Variants in ABI2 observed in about 807,000 individuals in gnomAD.
ABI2 encodes the protein abelson interactor 2.
A neutral mutation model predicts 59.2 loss-of-function variants in ABI2; 25 were observed. That is an observed-to-expected ratio of 0.42 (90% confidence interval 0.31 to 0.59). The LOEUF (loss-of-function observed/expected upper bound fraction) is 0.59. Ranked by LOEUF, ABI2 falls within the 20% of genes least tolerant of loss-of-function variation. The pLI is 0.14. For missense variants in ABI2, 545 were observed against 681.8 expected (o/e 0.80, Z 2.23); for synonymous variants, 213 against 235.5 (o/e 0.90, Z 0.87).
intron 8 of ABI2, among the ~76,000 whole-genome samples, chr2:203,398,690 T>C (rs1187416859): frequency 6.6e-6 from 1 of 152,206 alleles, no homozygotes; most frequent in Non-Finnish European, 1.5e-5. Flanking sequence ...ATTTCCTCCA[T>C]GCCCCCTTTA....
At chr2:203,347,419 C>T (rs191614669) in intron 1 of ABI2, among the ~76,000 whole-genome samples, 2 of 152,296 alleles carry the variant, frequency 1.3e-5, no homozygotes, top group East Asian at 3.9e-4. Context: ...GAAGATACTT[C>T]TAGCCTTGTA....
intron 2 of ABI2, among the ~76,000 whole-genome samples, chr2:203,379,091 G>A (rs367571359): frequency 6.6e-6 from 1 of 152,030 alleles, no homozygotes; most frequent in Non-Finnish European, 1.5e-5. Flanking sequence ...CCCTCTGTTA[G>A]CAAATAGAAG....
chr2:203,409,090 G>A (rs927995838), intron 9 of ABI2, among the ~76,000 whole-genome samples: 13 of 150,748 alleles, frequency 8.6e-5, no homozygotes, highest in Admixed American at 2.0e-4. Context: ...CACCCGCCTC[G>A]GCCTCCCAAA....
intron 1 of ABI2, among the ~76,000 whole-genome samples, chr2:203,362,922 C>A (rs2093725136): frequency 6.6e-6 from 1 of 152,130 alleles, no homozygotes; most frequent in Admixed American, 6.5e-5. Flanking sequence ...GCCTCACCTC[C>A]TGAGTTCAAG....
At chr2:203,370,047 C>G (rs2094966932) in intron 2 of ABI2, among the ~76,000 whole-genome samples, 1 of 151,948 alleles carries the variant, frequency 6.6e-6, no homozygotes, top group African/African-American at 2.4e-5. Flanking sequence ...GCTTACAAAA[C>G]AAATAGTAAA....
At chr2:203,356,725 T>A (rs1186372424) in intron 1 of ABI2, among the ~76,000 whole-genome samples, 1 of 152,170 alleles carries the variant, frequency 6.6e-6, no homozygotes, top group East Asian at 1.9e-4. Flanking sequence ...AGTCTCGAAC[T>A]CCTGGGCTCA....
intron 2 of ABI2, among the ~76,000 whole-genome samples, chr2:203,373,123 G>A (rs2095411112): frequency 6.6e-6 from 1 of 152,158 alleles, no homozygotes; most frequent in South Asian, 2.1e-4. Flanking sequence ...GCTGGGAGGT[G>A]GAGGTTGTAG....
At chr2:203,415,590 C>G (rs1294567055) in intron 10 of ABI2, among the ~76,000 whole-genome samples, 1 of 132,478 alleles carries the variant, frequency 7.5e-6, no homozygotes, top group Non-Finnish European at 1.5e-5. Flanking sequence ...GCACTCCAGC[C>G]TGGGCGATAG....
chr2:203,353,492 T>C (rs185318766), intron 1 of ABI2, among the ~76,000 whole-genome samples: 3 of 152,194 alleles, frequency 2.0e-5, no homozygotes, highest in Non-Finnish European at 4.4e-5. Context: ...TATTTATTTA[T>C]TTTTTGAGAC....
At chr2:203,385,688 C>G (rs1169120894) in intron 4 of ABI2, among the ~76,000 whole-genome samples, 6 of 152,156 alleles carry the variant, frequency 3.9e-5, no homozygotes, top group Non-Finnish European at 8.8e-5. Flanking sequence ...CGACACAGCA[C>G]CTGGAGGAAA....
rs1251140558 is a variant in ABI2, at chr2:203,429,207, G to C, written c.*1855G>C. On this transcript the variant is annotated 3_prime_UTR_variant, in exon 12 of 12. Transcript: ENST00000261018. ...TTGCCTCCAGTATACATTCCACTTC[G>C]TGCTTTTCTTAGGTCATTTCTACAT... 2 of 152,012 alleles carry C rather than the reference G, an allele frequency of 1.3e-5. No individual in the cohort carries two copies. Among genetic ancestry groups the C allele is most frequent in the Non-Finnish European group, 2.9e-5 (2 of 68,002 alleles). 9.4% of individuals were successfully genotyped at this position (152,012 alleles called of 1,614,324 possible). A position where few individuals can be genotyped will look rare whatever the true frequency, so the allele number is the denominator to read the frequency against.
At chr2:203,374,363 G>A (rs2095531384) in intron 2 of ABI2, among the ~76,000 whole-genome samples, 1 of 151,968 alleles carries the variant, frequency 6.6e-6, no homozygotes, top group Non-Finnish European at 1.5e-5. Context: ...AGCTGGGTGT[G>A]GTAGTGGGCA....
intron 11 of ABI2, among the ~76,000 whole-genome samples, chr2:203,426,782 C>CT (rs1218402844): frequency 8.8e-4 from 32 of 36,464 alleles, no homozygotes; most frequent in African/African-American, 2.6e-3. Flanking sequence ...TAAAGAAAAG[C>CT]TTTAAAAAAA....
intron 11 of ABI2, among the ~76,000 whole-genome samples, chr2:203,424,952 G>A (rs1376422542): frequency 6.6e-6 from 1 of 151,512 alleles, no homozygotes; most frequent in East Asian, 1.9e-4. Context: ...GCTTATTTCA[G>A]CCTCAACTTT....
At chr2:203,419,777 T>C (rs1200361945) in intron 11 of ABI2, among the ~76,000 whole-genome samples, 1 of 151,852 alleles carries the variant, frequency 6.6e-6, no homozygotes, top group Admixed American at 6.6e-5. Context: ...ACACCTGAGG[T>C]TGGGAGTTGG....
At position 203,431,903 on chromosome 2, in the gene ABI2, A is replaced by T. The variant is rs1001503510; in HGVS notation, c.*4551A>T. Reference sequence around the variant, plus strand: ...TTTGTGTCCATGCACCATTTTTCTTAAAATGGCTTACAAAAAAGAATGTAA... The same window carrying T: ...TTTGTGTCCATGCACCATTTTTCTTTAAATGGCTTACAAAAAAGAATGTAA... On this transcript the variant is annotated 3_prime_UTR_variant, in exon 12 of 12. Transcript: ENST00000261018. 1 of 152,178 alleles carries T rather than the reference A, an allele frequency of 6.6e-6. No individual in the cohort carries two copies. The highest frequency in any genetic ancestry group is 2.4e-5 in the African/African-American group (1 of 41,452). The allele number at this position is 152,178 out of a possible 1,614,324, so 9.4% of individuals were successfully genotyped here.
chr2:203,384,249 C>A (rs1055858306), intron 4 of ABI2, among the ~76,000 whole-genome samples: 13 of 150,232 alleles, frequency 8.7e-5, no homozygotes, highest in Non-Finnish European at 1.6e-4. Flanking sequence ...GTGGAATGTA[C>A]CTTGAACTGG....
intron 10 of ABI2, among the ~76,000 whole-genome samples, chr2:203,414,547 C>G (rs1204956744): frequency 6.6e-6 from 1 of 152,126 alleles, no homozygotes; most frequent in Non-Finnish European, 1.5e-5. Flanking sequence ...ATGCTGTGTG[C>G]TTCTATAGTA....
chr2:203,365,307 G>A (rs2094254692), intron 1 of ABI2, among the ~76,000 whole-genome samples: 1 of 152,068 alleles, frequency 6.6e-6, no homozygotes, highest in African/African-American at 2.4e-5. Context: ...TTACATAGCA[G>A]TAATGCATAG....
Sources: allele counts gnomAD v4.1 joint callset (sites outside exome capture counted in the v4.1 genomes callset), GRCh38; gene constraint gnomAD v4.1.1; transcripts MANE v1.5; gene names NCBI Gene and HGNC (gene_info 2026-07-23, HGNC 2026-07-21).